Variants in KIAA0232 observed in about 807,000 individuals in gnomAD.
KIAA0232 encodes the protein uncharacterized protein KIAA0232.
KIAA0232 carries 27 observed loss-of-function variants against 122.0 expected under a neutral mutation model. The ratio of observed to expected loss-of-function variants is 0.22; its 90% CI spans 0.16 to 0.31. KIAA0232 has a LOEUF of 0.31. Among genes scored for constraint, KIAA0232 ranks in the 10% least tolerant of loss-of-function variants. The pLI is 1.00. For synonymous variants in KIAA0232, 613 were observed against 587.6 expected (o/e 1.04, Z -0.63); for missense variants, 1,551 against 1,634.2 (o/e 0.95, Z 0.88).
chr4:6,834,468 CCTCTT>C lies in KIAA0232; in HGVS notation c.232-7596_232-7592del, dbSNP rs372493330. ...AATAGTTATTTTCCTATTAACTACTCCTCTTCTAGCAGGTAGGCTAATGCATTTGT... is the reference window on the plus strand; with the variant it reads ...AATAGTTATTTTCCTATTAACTACTCCTAGCAGGTAGGCTAATGCATTTGT... On this transcript the variant is annotated intron_variant, in intron 3 of 9. Coordinates refer to ENST00000307659, the MANE Select transcript of KIAA0232 (RefSeq NM_014743.3). Among the ~76,000 whole-genome samples the C allele has an allele frequency of 2.5e-3, 382 of 152,298 alleles. 2 individuals are homozygous for C. The highest frequency in any genetic ancestry group is 8.6e-3 in the African/African-American group (356 of 41,548).
chr4:6,813,667 T>C (rs1217964906), intron 2 of KIAA0232, among the ~76,000 whole-genome samples: 1 of 152,158 alleles, frequency 6.6e-6, no homozygotes, highest in African/African-American at 2.4e-5. Flanking sequence ...TGGCCAGGTC[T>C]GTTGTTTTTT....
intron 2 of KIAA0232, among the ~76,000 whole-genome samples, chr4:6,819,126 C>T (rs1172916047): frequency 6.6e-6 from 1 of 151,972 alleles, no homozygotes; most frequent in East Asian, 1.9e-4. Flanking sequence ...TATAAAAACC[C>T]TAGGAAAAAA....
At chr4:6,823,238 T>C (rs1189475128) in intron 2 of KIAA0232, among the ~76,000 whole-genome samples, 1 of 152,082 alleles carries the variant, frequency 6.6e-6, no homozygotes, top group African/African-American at 2.4e-5. Flanking sequence ...GCAGTAAACA[T>C]ACGTGTGCAT....
chr4:6,792,921 C>G (rs368640162), intron 1 of KIAA0232, among the ~76,000 whole-genome samples: 1 of 151,986 alleles, frequency 6.6e-6, no homozygotes, highest in African/African-American at 2.4e-5. Context: ...CTCCTGATCT[C>G]GTGATCCGCC....
rs372123222 is a variant in KIAA0232, at chr4:6,869,809, C to T, written c.3802-1765C>T. On this transcript the variant is annotated intron_variant, in intron 7 of 9. Coordinates refer to ENST00000307659, the MANE Select transcript of KIAA0232 (RefSeq NM_014743.3). ...GACCCATAAATAATTAAGTTAAAAG[C>T]ATAACAAAATCCTGTTAGGAAACTG... is the stretch of plus-strand genomic sequence containing the variant. Among the ~76,000 whole-genome samples the T allele has an allele frequency of 4.0e-4, 61 of 152,286 alleles. 4 individuals are homozygous for T. In the South Asian group the frequency reaches 0.011, roughly 26 times the overall value.
At chr4:6,809,901 A>T (rs566590992) in intron 2 of KIAA0232, among the ~76,000 whole-genome samples, 1 of 152,292 alleles carries the variant, frequency 6.6e-6, no homozygotes, top group Non-Finnish European at 1.5e-5. Context: ...TCCAAGGAAG[A>T]CTACAAAATA....
intron 2 of KIAA0232, among the ~76,000 whole-genome samples, chr4:6,810,421 A>G (rs973656367): frequency 5.9e-5 from 9 of 152,330 alleles, no homozygotes; most frequent in African/African-American, 2.2e-4. Flanking sequence ...TATACAAAAA[A>G]TCAACTCAAG....
chr4:6,858,237 G>A (rs951995088), intron 5 of KIAA0232, among the ~76,000 whole-genome samples, 188 bp from the exon 6 acceptor site: 6 of 152,160 alleles, frequency 3.9e-5, no homozygotes, highest in Non-Finnish European at 8.8e-5. Context: ...TGCTAATGTG[G>A]TTTAATCGGA....
intron 1 of KIAA0232, among the ~76,000 whole-genome samples, chr4:6,792,573 CT>C (rs1403694886): frequency 6.6e-6 from 1 of 151,622 alleles, no homozygotes; most frequent in Non-Finnish European, 1.5e-5. Context: ...GAATATTAAG[CT>C]CATAAAGTTT....
At chr4:6,797,098 CT>C (rs780212428) in intron 1 of KIAA0232, among the ~76,000 whole-genome samples, 5 of 152,162 alleles carry the variant, frequency 3.3e-5, no homozygotes, top group Non-Finnish European at 7.3e-5. Context: ...CTTTTTTCCT[CT>C]GTATTTTATT....
chr4:6,845,906 G>C (rs915204007), intron 4 of KIAA0232, among the ~76,000 whole-genome samples: 5 of 152,142 alleles, frequency 3.3e-5, no homozygotes, highest in African/African-American at 4.8e-5. Context: ...CGAGTATGTC[G>C]TGTGATGTGA....
intron 4 of KIAA0232, among the ~76,000 whole-genome samples, chr4:6,842,427 CAA>C (rs1434205586): frequency 6.6e-6 from 1 of 152,066 alleles, no homozygotes; most frequent in Non-Finnish European, 1.5e-5. Flanking sequence ...AGAGTATACA[CAA>C]AATTTTATAT....
In KIAA0232 at chr4:6,861,436, A is replaced by C; in HGVS notation, c.1054A>C (p.Ser352Arg). 1 of 1,614,220 alleles carries C rather than the reference A, an allele frequency of 6.2e-7. No homozygotes were observed. Among genetic ancestry groups the C allele is most frequent in the Non-Finnish European group, 8.5e-7 (1 of 1,180,034 alleles). ...AAGGAACATTCATACTGGAAGTAGT[A>C]GCAGTAGCAGCAGTGGTTCTGTCAA... ...AERNIHTGSS[S>R]SSSSGSVKQL... The change falls in exon 7 of 10, where the codon AGC becomes CGC. Residue 352 changes from serine to arginine, a missense_variant. Ser to Arg is a moderately radical substitution (Grantham distance 110, BLOSUM62 -1). Coordinates refer to ENST00000307659, the MANE Select transcript of KIAA0232 (RefSeq NM_014743.3).
At chr4:6,793,729 C>G (rs1029928658) in intron 1 of KIAA0232, among the ~76,000 whole-genome samples, 6 of 152,188 alleles carry the variant, frequency 3.9e-5, no homozygotes, top group Non-Finnish European at 2.9e-5. Flanking sequence ...TGAGCTAACA[C>G]TGGTTAACCG....
chr4:6,843,526 T>C (rs1015301745), intron 4 of KIAA0232, among the ~76,000 whole-genome samples: 1 of 152,156 alleles, frequency 6.6e-6, no homozygotes, highest in Non-Finnish European at 1.5e-5. Context: ...CCCAGGACTT[T>C]GGGAGGCCAA....
intron 3 of KIAA0232, among the ~76,000 whole-genome samples, chr4:6,834,246 T>C (rs997696291): frequency 6.6e-6 from 1 of 152,166 alleles, no homozygotes; most frequent in South Asian, 2.1e-4. Context: ...TTTTCATTTA[T>C]AAATTGTACA....
At chr4:6,807,195 C>T (rs1717673765) in intron 2 of KIAA0232, among the ~76,000 whole-genome samples, 1 of 152,144 alleles carries the variant, frequency 6.6e-6, no homozygotes. Context: ...CCATGGCATC[C>T]AGCTTTTCTT....
intron 2 of KIAA0232, among the ~76,000 whole-genome samples, chr4:6,812,518 G>C (rs943367828): frequency 6.6e-6 from 1 of 152,090 alleles, no homozygotes; most frequent in Middle Eastern, 3.4e-3. Flanking sequence ...CCTATGCAAA[G>C]GAAAAAACAC....
intron 1 of KIAA0232, among the ~76,000 whole-genome samples, chr4:6,797,181 A>G (rs753177155): frequency 9.9e-5 from 15 of 152,234 alleles, no homozygotes; most frequent in Non-Finnish European, 2.2e-4. Context: ...AAGCCATGAG[A>G]TAGAAACTGT....
Sources: gnomAD v4.1 joint callset for allele counts (sites outside exome capture counted in the v4.1 genomes callset) on GRCh38, gnomAD v4.1.1 for gene constraint, MANE v1.5 for transcripts, NCBI Gene and HGNC (gene_info 2026-07-23, HGNC 2026-07-21) for gene names.